The following NSMCE2 variants were observed in gnomAD, a reference collection of about 807,000 sequenced individuals.
NSMCE2 encodes NSE2 SUMO ligase component of SMC5/6 complex.
NSMCE2 carries 24 observed loss-of-function variants against 23.8 expected under a neutral mutation model. The observed-to-expected ratio is 1.01, with a 90% CI of 0.73 to 1.42. The LOEUF (loss-of-function observed/expected upper bound fraction) is 1.42, where lower values mean the gene tolerates loss of function less well. Ranked by LOEUF, NSMCE2 falls within the 40% of genes most tolerant of loss-of-function variation. The probability of loss-of-function intolerance (pLI) is 0.00; values close to 1 mark genes in which losing one functional copy is unlikely to be tolerated. For missense variants in NSMCE2, 284 were observed against 296.5 expected (o/e 0.96, Z 0.31); for synonymous variants, 92 against 94.1 (o/e 0.98, Z 0.13).
intron 5 of NSMCE2, among the ~76,000 whole-genome samples, chr8:125,222,692 C>G (rs1218813128): frequency 6.6e-6 from 1 of 152,142 alleles, no homozygotes; most frequent in Non-Finnish European, 1.5e-5. Context: ...TTGCAAATGA[C>G]AGAATTTCTT....
intron 5 of NSMCE2, among the ~76,000 whole-genome samples, chr8:125,320,247 GGGAGGGAAGGAAGGAA>G (rs1358993937): frequency 1.3e-4 from 6 of 44,652 alleles, no homozygotes; most frequent in African/African-American, 5.3e-4. Context: ...GAGGGAGGGA[GGGAGGGAAGGAAGGAA>G]GGAAGGAAGG....
intron 5 of NSMCE2, among the ~76,000 whole-genome samples, chr8:125,231,176 G>A (rs1825306067): frequency 6.6e-6 from 1 of 152,154 alleles, no homozygotes; most frequent in South Asian, 2.1e-4. Flanking sequence ...TTAATTATAT[G>A]ATATATTAGT....
chr8:125,142,657 G>C (rs35779726), intron 3 of NSMCE2, among the ~76,000 whole-genome samples: 31,394 of 151,712 alleles, frequency 0.21, 4,136 homozygotes, highest in African/African-American at 0.36. Flanking sequence ...CATGCTGGAG[G>C]ACAGTGGTGC....
chr8:125,176,798 C>T (rs1822520536), intron 4 of NSMCE2, among the ~76,000 whole-genome samples: 1 of 152,332 alleles, frequency 6.6e-6, no homozygotes, highest in South Asian at 2.1e-4. Context: ...AAAGCCTGGG[C>T]TTGCCTTCTT....
At chr8:125,177,182 A>G (rs1228955889) in intron 4 of NSMCE2, among the ~76,000 whole-genome samples, 1 of 152,232 alleles carries the variant, frequency 6.6e-6, no homozygotes, top group Non-Finnish European at 1.5e-5. Context: ...ATCATTTACT[A>G]TGGGCCAGAG....
chr8:125,227,594 A>G (rs1825151694), intron 5 of NSMCE2, among the ~76,000 whole-genome samples: 1 of 152,246 alleles, frequency 6.6e-6, no homozygotes. Flanking sequence ...AATTCATATT[A>G]AAAATCAGGA....
rs1208892491 is a variant in NSMCE2, at chr8:125,182,090, T to A, written c.265-13T>A. 6.4e-7 allele frequency: 1 copy of A among 1,555,008 alleles called. No individual in the cohort carries two copies. Among genetic ancestry groups the A allele is most frequent in the Non-Finnish European group, 8.7e-7 (1 of 1,152,562 alleles). On this transcript the variant is annotated splice_polypyrimidine_tract_variant and intron_variant, in intron 4 of 7. Transcript: ENST00000287437. ...TTAACATTTAACTCAGGTAATTTTG[T>A]TGTCTCCCTTAGGTGAAAGAAGAAC...
chr8:125,109,903 T>C (rs1486741482), intron 3 of NSMCE2, among the ~76,000 whole-genome samples: 3 of 152,176 alleles, frequency 2.0e-5, no homozygotes, highest in African/African-American at 7.2e-5. Flanking sequence ...GAAATGAAAT[T>C]TGTTACATTA....
At chr8:125,158,818 A>G (rs1221988529) in intron 4 of NSMCE2, among the ~76,000 whole-genome samples, 5 of 152,212 alleles carry the variant, frequency 3.3e-5, no homozygotes, top group Admixed American at 3.3e-4. Context: ...ACTGCAGAAG[A>G]GAGATGGGGA....
chr8:125,096,934 C>T lies in NSMCE2; in HGVS notation c.-111+4976C>T, dbSNP rs149953787. On this transcript the variant is annotated intron_variant, in intron 1 of 7. Transcript: ENST00000287437. Reference sequence around the variant, plus strand: ...CCTCTGTGTAGAATCCTAAAGTGTGCGTGACTCCATTATAACTTTCTCATA... The same window carrying T: ...CCTCTGTGTAGAATCCTAAAGTGTGTGTGACTCCATTATAACTTTCTCATA... Among the ~76,000 whole-genome samples, 73 of 152,092 alleles carry T rather than the reference C, an allele frequency of 4.8e-4. 1 individual carries two copies. The highest frequency in any genetic ancestry group is 3.4e-3 in the Middle Eastern group (1 of 292).
intron 5 of NSMCE2, among the ~76,000 whole-genome samples, chr8:125,185,203 A>T (rs1298636059): frequency 6.6e-6 from 1 of 152,210 alleles, no homozygotes; most frequent in Non-Finnish European, 1.5e-5. Context: ...GGGCAGGCCT[A>T]GGTACACTCT....
intron 5 of NSMCE2, among the ~76,000 whole-genome samples, chr8:125,256,312 G>T (rs1026918882): frequency 6.6e-6 from 1 of 151,522 alleles, no homozygotes; most frequent in Non-Finnish European, 1.5e-5. Context: ...ACTGATTATA[G>T]GGAGGAAAGA....
Position 125,304,054 on chromosome 8 carries a change from A to G in NSMCE2, c.419-53165A>G, listed in dbSNP as rs529113436. On this transcript the variant is annotated intron_variant, in intron 5 of 7. Coordinates refer to ENST00000287437, the MANE Select transcript of NSMCE2 (RefSeq NM_173685.4). ...GCTTTGACTTCAGAGTTTATTCTCT[A>G]CATAAGATATTAATTCACTGTACTG... 7.0e-4 allele frequency among the ~76,000 whole-genome samples: 107 copies of G among 152,342 alleles called. 1 individual carries two copies. Among genetic ancestry groups the G allele is most frequent in the East Asian group, 1.9e-3 (10 of 5,192 alleles).
chr8:125,288,354 C>T (rs1827978394), intron 5 of NSMCE2, among the ~76,000 whole-genome samples: 1 of 152,174 alleles, frequency 6.6e-6, no homozygotes, highest in South Asian at 2.1e-4. Context: ...CTCCTGCATT[C>T]CCTCCCTCAG....
At chr8:125,137,261 A>G (rs1462268566) in intron 3 of NSMCE2, among the ~76,000 whole-genome samples, 1 of 152,160 alleles carries the variant, frequency 6.6e-6, no homozygotes, top group African/African-American at 2.4e-5. Context: ...GGTAAATAAC[A>G]GAGATTACAG....
chr8:125,231,565 C>T (rs1401640855), intron 5 of NSMCE2, among the ~76,000 whole-genome samples: 1 of 152,158 alleles, frequency 6.6e-6, no homozygotes, highest in African/African-American at 2.4e-5. Context: ...CACTTTTGCA[C>T]ACTATAGATT....
intron 1 of NSMCE2, among the ~76,000 whole-genome samples, chr8:125,100,657 G>T (rs1326171615): frequency 2.0e-5 from 3 of 152,118 alleles, no homozygotes; most frequent in African/African-American, 7.2e-5. Context: ...CGCCTCCCAG[G>T]TTCAAACAAT....
intron 5 of NSMCE2, among the ~76,000 whole-genome samples, chr8:125,216,357 G>A (rs189646667): frequency 4.5e-4 from 69 of 152,196 alleles, no homozygotes; most frequent in Non-Finnish European, 9.1e-4. Context: ...ATGATCTGTG[G>A]GTCCGGGCGC....
intron 3 of NSMCE2, among the ~76,000 whole-genome samples, chr8:125,122,374 A>G (rs1170314234): frequency 1.3e-5 from 2 of 152,126 alleles, no homozygotes; most frequent in Admixed American, 6.6e-5. Flanking sequence ...TGCTTCCCGA[A>G]AAATGGTAGT....
Sources: gnomAD v4.1 joint callset for allele counts (sites outside exome capture counted in the v4.1 genomes callset) on GRCh38, gnomAD v4.1.1 for gene constraint, MANE v1.5 for transcripts, NCBI Gene and HGNC (gene_info 2026-07-23, HGNC 2026-07-21) for gene names.